The following RBFOX3 variants were observed in gnomAD, a reference collection of about 807,000 sequenced individuals.
The protein encoded by RBFOX3 is RNA binding protein fox-1 homolog 3.
Under a neutral mutation model 48.7 loss-of-function variants are expected in RBFOX3, and 17 were observed. The ratio of observed to expected loss-of-function variants is 0.35; its 90% CI spans 0.24 to 0.52. The LOEUF (loss-of-function observed/expected upper bound fraction) is 0.52. Among genes scored for constraint, RBFOX3 ranks in the 20% least tolerant of loss-of-function variants. The pLI is 0.94. For synonymous variants in RBFOX3, 212 were observed against 209.5 expected (o/e 1.01, Z -0.10); for missense variants, 382 against 497.5 (o/e 0.77, Z 2.21).
intron 1 of RBFOX3, among the ~76,000 whole-genome samples, chr17:79,604,132 G>A (rs1168647339): frequency 6.6e-6 from 1 of 152,234 alleles, no homozygotes; most frequent in Non-Finnish European, 1.5e-5. Context: ...GGTGATTCTT[G>A]TAAGAATCAG....
chr17:79,457,019 A>T (rs919580056), intron 2 of RBFOX3, among the ~76,000 whole-genome samples: 1 of 152,218 alleles, frequency 6.6e-6, no homozygotes, highest in Admixed American at 6.5e-5. Flanking sequence ...AGGTATATTG[A>T]TAGAGAAGAT....
At chr17:79,531,076 G>A (rs912835480) in intron 1 of RBFOX3, among the ~76,000 whole-genome samples, 1 of 152,228 alleles carries the variant, frequency 6.6e-6, no homozygotes, top group Non-Finnish European at 1.5e-5. Flanking sequence ...TCCCCGCCAG[G>A]ACTTAGCAAT....
intron 1 of RBFOX3, among the ~76,000 whole-genome samples, chr17:79,574,376 G>T (rs1416443936): frequency 6.6e-6 from 1 of 152,122 alleles, no homozygotes; most frequent in African/African-American, 2.4e-5. Context: ...TAAAGAAGCC[G>T]GCCAAAACCC....
the RBFOX3 span, among the ~76,000 whole-genome samples, chr17:79,638,531 G>A: frequency 6.6e-6 from 1 of 152,166 alleles, no homozygotes; most frequent in Non-Finnish European, 1.5e-5. Context: ...TACCAAAACT[G>A]AGTCAGGAAG....
At chr17:79,448,241 C>T (rs2072749096) in intron 2 of RBFOX3, among the ~76,000 whole-genome samples, 2 of 152,142 alleles carry the variant, frequency 1.3e-5, no homozygotes, top group South Asian at 4.1e-4. Flanking sequence ...GAAAACTGGG[C>T]AGAAGACTCT....
At chr17:79,611,359 C>T (rs1419085769), upstream of RBFOX3, among the ~76,000 whole-genome samples, 2 of 151,792 alleles carry the variant, frequency 1.3e-5, no homozygotes, top group East Asian at 3.9e-4. Flanking sequence ...GGCGGCGGAG[C>T]GGGGAGAGCC....
Position 79,103,304 on chromosome 17 carries a change from C to CGAGAAAGAG in RBFOX3, c.415-59_415-51dup. On this transcript the variant is annotated intron_variant, in intron 7 of 14. Transcript: ENST00000693108. This position sits in a 1 kb window ranked among gnomAD's most constrained non-coding sequence, Gnocchi z 6.1. The stretch of plus-strand genomic sequence containing the variant: ...CAGGCACGGAGAGGAGGACACAGGG[C>CGAGAAAGAG]GAGAAAGAGGAGGAAGACGAGGAAG... 1 of 1,205,928 alleles carries CGAGAAAGAG rather than the reference C, an allele frequency of 8.3e-7. No homozygotes were observed. Among genetic ancestry groups the CGAGAAAGAG allele is most frequent in the Non-Finnish European group, 1.2e-6 (1 of 859,932 alleles). The allele number at this position is 1,205,928 out of a possible 1,614,324, so 74.7% of individuals were successfully genotyped here.
chr17:79,092,000 A>T (rs2074009180), intron 14 of RBFOX3: 4 of 985,352 alleles, frequency 4.1e-6, no homozygotes, highest in Non-Finnish European at 4.8e-6. Context: ...TGGGGCGAGG[A>T]GGGGCAGTGG....
intron 1 of RBFOX3, among the ~76,000 whole-genome samples, chr17:79,494,011 C>T (rs1390261551): frequency 6.6e-6 from 1 of 152,152 alleles, no homozygotes; most frequent in Non-Finnish European, 1.5e-5. Context: ...TGGTGCATGC[C>T]TGTAATCCCA....
chr17:79,524,391 C>A (rs1459685968), intron 1 of RBFOX3, among the ~76,000 whole-genome samples: 2 of 152,160 alleles, frequency 1.3e-5, no homozygotes, highest in African/African-American at 4.8e-5. Context: ...TGGAGGCAGC[C>A]CGCTCTCTCT....
At chr17:79,131,633 C>G (rs1283575584) in intron 4 of RBFOX3, among the ~76,000 whole-genome samples, 1 of 152,222 alleles carries the variant, frequency 6.6e-6, no homozygotes, top group African/African-American at 2.4e-5. Flanking sequence ...CTTTTGGTAA[C>G]TGTATCTCAA....
At chr17:79,329,766 G>A (rs1250370582) in intron 2 of RBFOX3, among the ~76,000 whole-genome samples, 5 of 152,122 alleles carry the variant, frequency 3.3e-5, no homozygotes, top group African/African-American at 1.2e-4. Flanking sequence ...CGCTCTCCCA[G>A]GAGATCTCCA....
chr17:79,135,441 C>T (rs2039970563), intron 4 of RBFOX3, among the ~76,000 whole-genome samples: 1 of 152,218 alleles, frequency 6.6e-6, no homozygotes, highest in South Asian at 2.1e-4. Flanking sequence ...GAGGGGGTTG[C>T]TCTGGGCTGG....
intron 2 of RBFOX3, among the ~76,000 whole-genome samples, chr17:79,416,291 C>T (rs562838907): frequency 1.3e-5 from 2 of 152,352 alleles, no homozygotes; most frequent in South Asian, 4.1e-4. Context: ...AGAGCTCCCT[C>T]CCTCTTCTGG....
chr17:79,372,308 C>T (rs1473239621), intron 2 of RBFOX3, among the ~76,000 whole-genome samples: 1 of 534 alleles, frequency 1.9e-3, no homozygotes, highest in Non-Finnish European at 5.8e-3. Context: ...ATACTATAGA[C>T]CCCCCCCTGT....
At chr17:79,100,848 A>G (rs1447903326) in intron 9 of RBFOX3, among the ~76,000 whole-genome samples, 1 of 152,154 alleles carries the variant, frequency 6.6e-6, no homozygotes, top group Non-Finnish European at 1.5e-5. Context: ...CGGCAGATCC[A>G]TCTCCAAGGA....
chr17:79,541,986 T>C (rs1249992924), intron 1 of RBFOX3, among the ~76,000 whole-genome samples: 2 of 151,570 alleles, frequency 1.3e-5, no homozygotes, highest in East Asian at 3.9e-4. Flanking sequence ...TGTTTCTTTT[T>C]ACAGAACAAA....
intron 3 of RBFOX3, among the ~76,000 whole-genome samples, chr17:79,305,547 G>C (rs1381819968): frequency 6.6e-6 from 1 of 152,076 alleles, no homozygotes; most frequent in Non-Finnish European, 1.5e-5. Context: ...ACATGAAATG[G>C]GCTCGGCCGC....
At chr17:79,560,131 G>A (rs929752911) in intron 1 of RBFOX3, among the ~76,000 whole-genome samples, 25 of 152,100 alleles carry the variant, frequency 1.6e-4, no homozygotes, top group African/African-American at 5.8e-4. Flanking sequence ...AGAAAATCAG[G>A]TCCAAAGTAA....
Sources: allele counts gnomAD v4.1 joint callset (sites outside exome capture counted in the v4.1 genomes callset), GRCh38; gene constraint gnomAD v4.1.1; non-coding constraint Gnocchi (gnomAD v3.1); transcripts MANE v1.5; gene names NCBI Gene and HGNC (gene_info 2026-07-23, HGNC 2026-07-21).